ABCC6: variants seen among roughly 807,000 people sequenced by gnomAD.
The protein encoded by ABCC6 is ATP-binding cassette sub-family C member 6.
ABCC6 carries 126 observed loss-of-function variants against 169.5 expected under a neutral mutation model. That is an observed-to-expected ratio of 0.74 (90% CI 0.64 to 0.86). The LOEUF (loss-of-function observed/expected upper bound fraction) is 0.86, where lower values mean the gene tolerates loss of function less well. Among genes scored for constraint, ABCC6 ranks in the 40% least tolerant of loss-of-function variants. The pLI is 0.00. For missense variants in ABCC6, 1,733 were observed against 1,927.2 expected (o/e 0.90, Z 1.89); for synonymous variants, 752 against 814.7 (o/e 0.92, Z 1.31).
intron 27 of ABCC6, among the ~76,000 whole-genome samples, chr16:16,156,969 G>A (rs1414344840): frequency 6.9e-6 from 1 of 144,278 alleles, no homozygotes; most frequent in Non-Finnish European, 1.5e-5. Flanking sequence ...AAAAATCACA[G>A]GAGAGCAGAT....
Position 16,203,463 on chromosome 16 carries a change from G to A in ABCC6, c.945C>T (p.Thr315=). 2.5e-6 allele frequency: 4 copies of A among 1,613,970 alleles called. No individual in the cohort carries two copies. Among genetic ancestry groups the A allele is most frequent in the Non-Finnish European group, 3.4e-6 (4 of 1,179,870 alleles). Residue 315 remains threonine, a synonymous_variant, in exon 8 of 31, where the codon ACC becomes ACT. Coordinates refer to ENST00000205557, the MANE Select transcript of ABCC6 (RefSeq NM_001171.6). The part of the protein sequence containing the change: ...QVFHSTFLLG[T]LSLIISDVFR... ...AGACATCACTGATGATGAGGCTGAG[G>A]GTCCCCAGGAGGAAGGTAGAATGGA...
chr16:16,179,053 G>A, intron 17 of ABCC6, 88 bp from the exon 18 acceptor site: 5 of 1,416,062 alleles, frequency 3.5e-6, no homozygotes, highest in Non-Finnish European at 2.9e-6. Flanking sequence ...GGGCACACCT[G>A]CCCATCAGGG....
chr16:16,150,849 G>T, intron 29 of ABCC6, 77 bp from the exon 30 acceptor site: 1 of 1,568,470 alleles, frequency 6.4e-7, no homozygotes, highest in East Asian at 2.4e-5. Context: ...CCAGAAACAG[G>T]TCCCTGAAGC....
chr16:16,197,312 T>G (rs2048072082), intron 10 of ABCC6, among the ~76,000 whole-genome samples: 1 of 152,000 alleles, frequency 6.6e-6, no homozygotes, highest in Non-Finnish European at 1.5e-5. Context: ...CCAGAGAGGG[T>G]GAACTTCCTG....
chr16:16,194,381 A>G (rs998038052), intron 10 of ABCC6, among the ~76,000 whole-genome samples: 2 of 152,260 alleles, frequency 1.3e-5, no homozygotes, highest in African/African-American at 4.8e-5. Context: ...TGGGACATAC[A>G]CTGAGAAATT....
Position 16,169,844 on chromosome 16 carries a change from TG to T in ABCC6, c.2796del (p.Thr933GlnfsTer36). ...GCACGCAGGTAGGCCAGGTGCACTG[TG>T]GCCTTCACCTGTAGCACACATGAGG... is the stretch of plus-strand genomic sequence containing the variant. ...KDSIQYGRVKATVHLAYLRAV... is the reference protein window; with the variant it reads ...KDSIQYGRVKXTVHLAYLRAV... On this transcript the variant is annotated frameshift_variant, in exon 22 of 31. Transcript: ENST00000205557. LOFTEE classifies it high-confidence loss of function. 2 of 1,553,640 alleles carry T rather than the reference TG, an allele frequency of 1.3e-6. No individual in the cohort carries two copies. The highest frequency in any genetic ancestry group is 2.7e-5 in the African/African-American group (2 of 73,340).
chr16:16,172,040 A>G (rs1341323335), intron 21 of ABCC6, among the ~76,000 whole-genome samples: 1 of 144,156 alleles, frequency 6.9e-6, no homozygotes, highest in African/African-American at 2.6e-5. Context: ...GGTGGGATGC[A>G]TAAATGAGTG....
At position 16,169,720 on chromosome 16, in the gene ABCC6, T is replaced by A. The variant is rs147391297; in HGVS notation, c.2921A>T (p.Asp974Val). The change falls in exon 22 of 31, where the codon GAC becomes GTC. Residue 974 changes from aspartate to valine, a missense_variant. Around this residue, in one of 5 missense-constraint regions of ABCC6, gnomAD observed 1,601 missense variants for 1,635.5 expected, o/e 0.98. Coordinates refer to ENST00000205557, the MANE Select transcript of ABCC6 (RefSeq NM_001171.6). ...RGYWLSLWAD[D>V]PAVGGQQTQA... ...CGTCTGCTGCCCACCTACTGCAGGGTCGTCCGCCCACAGGCTCAGCCAGTA... is the reference window on the plus strand; with the variant it reads ...CGTCTGCTGCCCACCTACTGCAGGGACGTCCGCCCACAGGCTCAGCCAGTA... 1 of 1,610,558 alleles carries A rather than the reference T, an allele frequency of 6.2e-7. No homozygotes were observed.
chr16:16,152,307 T>A (rs11075299), intron 29 of ABCC6, among the ~76,000 whole-genome samples: 2 of 151,030 alleles, frequency 1.3e-5, no homozygotes, highest in Admixed American at 6.6e-5. Flanking sequence ...GTGAGCCCAG[T>A]GAGCCCCTGA....
chr16:16,175,909 A>C lies in ABCC6; in HGVS notation c.2666+2T>G, dbSNP rs1254815036. The C allele has an allele frequency of 1.2e-6, 2 of 1,613,836 alleles. No homozygotes were observed. The highest frequency in any genetic ancestry group is 1.7e-6 in the Non-Finnish European group (2 of 1,179,948). Reference sequence around the variant, plus strand: ...CTGAGTGTGGCACCATGGTGGACTCACCTCTCGCGTCTAAGCTCGGGCCTC... The same window carrying C: ...CTGAGTGTGGCACCATGGTGGACTCCCCTCTCGCGTCTAAGCTCGGGCCTC... On this transcript the variant is annotated splice_donor_variant, in intron 20 of 30. Transcript: ENST00000205557. LOFTEE classifies it high-confidence loss of function.
chr16:16,169,514 G>A (rs2046988227), intron 22 of ABCC6, 132 bp downstream of exon 22: 1 of 1,053,710 alleles, frequency 9.5e-7, no homozygotes, highest in East Asian at 2.6e-5. Flanking sequence ...GCAGATCTTT[G>A]CCTGGACCCC....
intron 9 of ABCC6, 79 bp from the exon 10 acceptor site, chr16:16,198,261 T>C: frequency 6.7e-7 from 1 of 1,483,860 alleles, no homozygotes; most frequent in Admixed American, 2.0e-5. Flanking sequence ...CTCCACCCAC[T>C]GAGCCCCACC....
chr16:16,167,448 T>C (rs1417072372), intron 22 of ABCC6, among the ~76,000 whole-genome samples: 1 of 152,214 alleles, frequency 6.6e-6, no homozygotes, highest in African/African-American at 2.4e-5. Flanking sequence ...ATTCTCTTGT[T>C]GCTTAAACAC....
At chr16:16,219,008 G>A (rs1172705117) in intron 4 of ABCC6, among the ~76,000 whole-genome samples, 1 of 101,618 alleles carries the variant, frequency 9.8e-6, no homozygotes, top group Non-Finnish European at 1.8e-5. Flanking sequence ...AAATTGCAGT[G>A]AGCTGAGATC....
chr16:16,162,495 C>G (rs2046749570), intron 24 of ABCC6, among the ~76,000 whole-genome samples: 1 of 152,176 alleles, frequency 6.6e-6, no homozygotes, highest in Admixed American at 6.5e-5. Context: ...GCCAGGCATG[C>G]AGTAAGCATG....
chr16:16,198,224 G>C lies in ABCC6; in HGVS notation c.1177-42C>G, dbSNP rs779523210. 9.7e-6 allele frequency: 15 copies of C among 1,552,356 alleles called. No individual in the cohort carries two copies. The African/African-American group carries it at 1.6e-4, about 17-fold the overall frequency. On this transcript the variant is annotated intron_variant, in intron 9 of 30. Transcript: ENST00000205557. ...AGGAGAGAAGTAAAGTGGGGAGGCC[G>C]GGGCAGAGGGATGCCCCAGGTGGCT... is the stretch of plus-strand genomic sequence containing the variant.
At chr16:16,159,148 A>T (rs2046634986) in intron 26 of ABCC6, among the ~76,000 whole-genome samples, 1 of 152,120 alleles carries the variant, frequency 6.6e-6, no homozygotes, top group Non-Finnish European at 1.5e-5. Context: ...GTTCTGGAAT[A>T]TTGCCATTGT....
chr16:16,163,760 A>G (rs1485004971), intron 23 of ABCC6, among the ~76,000 whole-genome samples: 1 of 152,126 alleles, frequency 6.6e-6, no homozygotes, highest in Non-Finnish European at 1.5e-5. Context: ...GAGGAACTGA[A>G]TTTGCTGAAC....
chr16:16,163,791 C>A (rs2046800276), intron 23 of ABCC6, among the ~76,000 whole-genome samples: 1 of 152,174 alleles, frequency 6.6e-6, no homozygotes, highest in Non-Finnish European at 1.5e-5. Flanking sequence ...ATGTGCCAGG[C>A]TTTTCACACA....
Sources: gnomAD v4.1 joint callset for allele counts (sites outside exome capture counted in the v4.1 genomes callset) on GRCh38, gnomAD v4.1.1 for gene constraint, gnomAD v4.1.1 regional missense constraint, MANE v1.5 for transcripts, NCBI Gene and HGNC (gene_info 2026-07-23, HGNC 2026-07-21) for gene names.